Variants in KIAA1217 observed in about 807,000 individuals in gnomAD.
KIAA1217 encodes KIAA1217.
Under a neutral mutation model 163.9 loss-of-function variants are expected in KIAA1217, and 88 were observed. The observed-to-expected ratio is 0.54, with a 90% CI of 0.45 to 0.64. KIAA1217 has a LOEUF of 0.64. KIAA1217 is among the 30% of genes least tolerant of loss of function. The probability of loss-of-function intolerance (pLI) is 0.00; values close to 1 mark genes in which losing one functional copy is unlikely to be tolerated. For synonymous variants in KIAA1217, 903 were observed against 923.1 expected, an observed-to-expected ratio of 0.98 and a Z score of 0.39; for missense variants, 2,372 against 2,475.0, an observed-to-expected ratio of 0.96 and a Z score of 0.88.
chr10:24,543,765 T>A lies in KIAA1217; in HGVS notation c.4495T>A (p.Ser1499Thr). 1 of 1,613,350 alleles carries A rather than the reference T, an allele frequency of 6.2e-7. No homozygotes were observed. The highest frequency in any genetic ancestry group is 8.5e-7 in the Non-Finnish European group (1 of 1,179,706). ...GDSVVQNNNT[S>T]QMSHKKVAPG... Reference sequence around the variant, plus strand: ...TTCTGTAGTCCAGAATAATAACACTTCCCAGATGTCTCATAAGAAGGTGGC... The same window carrying A: ...TTCTGTAGTCCAGAATAATAACACTACCCAGATGTCTCATAAGAAGGTGGC... The change falls in exon 19 of 21, where the codon TCC becomes ACC. Residue 1499 changes from serine to threonine, a missense_variant. Ser to Thr is a moderately conservative substitution (Grantham distance 58, BLOSUM62 1). Transcript: ENST00000376454.
intron 1 of KIAA1217, among the ~76,000 whole-genome samples, chr10:23,926,436 A>C (rs772951185): frequency 6.6e-6 from 1 of 152,206 alleles, no homozygotes; most frequent in Non-Finnish European, 1.5e-5. Flanking sequence ...GTCCTGTTTC[A>C]AAGGTAGGCC....
intron 2 of KIAA1217, among the ~76,000 whole-genome samples, chr10:24,181,017 A>T (rs1027805702): frequency 2.5e-4 from 38 of 152,216 alleles, no homozygotes; most frequent in African/African-American, 8.9e-4. Flanking sequence ...TGAATCATTG[A>T]TATAGACAGC....
At chr10:24,169,372 A>C in intron 2 of KIAA1217, among the ~76,000 whole-genome samples, 1 of 151,644 alleles carries the variant, frequency 6.6e-6, no homozygotes. Flanking sequence ...TCTTACCCAC[A>C]ATCACCCTCC....
intron 2 of KIAA1217, among the ~76,000 whole-genome samples, chr10:24,044,022 G>A (rs74123614): frequency 0.058 from 8,840 of 152,138 alleles, 388 homozygotes; most frequent in African/African-American, 0.12. Context: ...AAAATAATGA[G>A]TTGGGGGATT....
In KIAA1217 at chr10:24,474,186, G is replaced by A. The variant is rs1592226476; in HGVS notation, c.1679+126G>A. Reference sequence around the variant, plus strand: ...CATCTCTGCAGCATGTCCTGTGGATGCTGCAGGAGTCACAGAGTGGTGTCA... The same window carrying A: ...CATCTCTGCAGCATGTCCTGTGGATACTGCAGGAGTCACAGAGTGGTGTCA... On this transcript the variant is annotated intron_variant, in intron 6 of 20. Transcript: ENST00000376454. 4.3e-6 allele frequency: 3 copies of A among 701,606 alleles called. No homozygotes were observed. The East Asian group carries it at 8.1e-5, about 19-fold the overall frequency. 43.5% of individuals were successfully genotyped at this position (701,606 alleles called of 1,614,324 possible). A position where few individuals can be genotyped will look rare whatever the true frequency, so the allele number is the denominator to read the frequency against.
At chr10:24,251,630 T>G (rs1016692199) in intron 2 of KIAA1217, among the ~76,000 whole-genome samples, 4 of 151,704 alleles carry the variant, frequency 2.6e-5, no homozygotes, top group Non-Finnish European at 5.9e-5. Context: ...AAGATGGGGC[T>G]CCCCCTCTCC....
intron 1 of KIAA1217, among the ~76,000 whole-genome samples, chr10:23,909,167 A>C (rs1318529343): frequency 1.3e-5 from 2 of 152,126 alleles, no homozygotes; most frequent in African/African-American, 2.4e-5. Context: ...ATTCAAAGGC[A>C]TAAGAATGAC....
chr10:24,413,395 C>G (rs1236133171), intron 3 of KIAA1217, among the ~76,000 whole-genome samples: 1 of 152,152 alleles, frequency 6.6e-6, no homozygotes, highest in East Asian at 1.9e-4. Flanking sequence ...TGGTCTCCTA[C>G]TCCTGACCTC....
chr10:24,544,412 C>A lies in KIAA1217; in HGVS notation c.5142C>A (p.Pro1714=). ...SHIAQEASPR[P]LLVPDEGPTA... ...TAGCCCAAGAGGCCTCTCCCCGACC[C>A]TTGCTAGTTCCGGATGAAGGTCCCA... Residue 1714 remains proline (P), a synonymous_variant, in exon 19 of 21, where the codon CCC becomes CCA. Transcript: ENST00000376454. 6.2e-7 allele frequency: 1 copy of A among 1,614,142 alleles called. No individual in the cohort carries two copies. Among genetic ancestry groups the A allele is most frequent in the Non-Finnish European group, 8.5e-7 (1 of 1,180,008 alleles).
chr10:23,864,581 A>G (rs1435473296), intron 1 of KIAA1217, among the ~76,000 whole-genome samples: 4 of 151,460 alleles, frequency 2.6e-5, no homozygotes, highest in African/African-American at 9.7e-5. Context: ...TCAGCTTGGG[A>G]AAAATTCTTC....
At chr10:23,875,853 C>A (rs538618688) in intron 1 of KIAA1217, among the ~76,000 whole-genome samples, 2 of 143,666 alleles carry the variant, frequency 1.4e-5, no homozygotes, top group African/African-American at 2.6e-5. Context: ...ACAAGGACAG[C>A]AAACCAAACA....
intron 2 of KIAA1217, among the ~76,000 whole-genome samples, chr10:24,161,677 G>A (rs1028161128): frequency 1.3e-5 from 2 of 152,316 alleles, no homozygotes; most frequent in Middle Eastern, 3.4e-3. Context: ...TTGAGTTGAC[G>A]CTGTTACCAT....
chr10:23,849,786 A>G (rs1202119763), intron 1 of KIAA1217, among the ~76,000 whole-genome samples: 1 of 152,074 alleles, frequency 6.6e-6, no homozygotes, highest in Non-Finnish European at 1.5e-5. Flanking sequence ...GAACTGGTCA[A>G]AAGACTTTCT....
rs144439617 is a variant in KIAA1217 at position 24,232,304 on chromosome 10, C to T, written c.354+12395C>T. The stretch of plus-strand genomic sequence containing the variant: ...CAGCAAAGGAATCCTAAATGGGGAT[C>T]ATTCATAACACATCGCTTTTGATCC... On this transcript the variant is annotated intron_variant, in intron 2 of 20. Coordinates refer to ENST00000376454, the MANE Select transcript of KIAA1217 (RefSeq NM_019590.5). Among the ~76,000 whole-genome samples the T allele has an allele frequency of 6.6e-5, 10 of 152,326 alleles. 1 individual carries two copies. The highest frequency in any genetic ancestry group is 2.2e-4 in the African/African-American group (9 of 41,578).
At chr10:24,382,844 CTTTTTTTT>C (rs1161576107) in intron 3 of KIAA1217, among the ~76,000 whole-genome samples, 1 of 44,380 alleles carries the variant, frequency 2.3e-5, no homozygotes, top group African/African-American at 1.5e-4. Context: ...TTTTTCTTTT[CTTTTTTTT>C]TTTTTTTTTT....
chr10:24,183,419 G>A (rs1190626970), intron 2 of KIAA1217, among the ~76,000 whole-genome samples: 1 of 152,030 alleles, frequency 6.6e-6, no homozygotes, highest in African/African-American at 2.4e-5. Context: ...CTCTCTTTCT[G>A]TTAGTCATCT....
At chr10:24,518,804 A>G (rs1206996894) in intron 10 of KIAA1217, among the ~76,000 whole-genome samples, 1 of 152,196 alleles carries the variant, frequency 6.6e-6, no homozygotes, top group Non-Finnish European at 1.5e-5. Flanking sequence ...GCCCCTTTCC[A>G]TAGTTCACAG....
chr10:23,957,019 G>C (rs987984455), intron 1 of KIAA1217, among the ~76,000 whole-genome samples: 1 of 152,082 alleles, frequency 6.6e-6, no homozygotes, highest in Non-Finnish European at 1.5e-5. Flanking sequence ...ACTCGGGCCT[G>C]CACCACCCCA....
At chr10:24,491,273 C>CTT (rs797002022) in intron 6 of KIAA1217, among the ~76,000 whole-genome samples, 25 of 120,526 alleles carry the variant, frequency 2.1e-4, no homozygotes, top group South Asian at 5.7e-4. Context: ...TGCTTTGTTT[C>CTT]TTTTTTTTTT....
Sources: gnomAD v4.1 joint callset for allele counts (sites outside exome capture counted in the v4.1 genomes callset) on GRCh38, gnomAD v4.1.1 for gene constraint, MANE v1.5 for transcripts, NCBI Gene and HGNC (gene_info 2026-07-23, HGNC 2026-07-21) for gene names.